Variants in INSIG1 observed in about 807,000 individuals in gnomAD.
The protein encoded by INSIG1 is insulin-induced gene 1 protein.
In INSIG1, 14 loss-of-function variants were observed where a neutral mutation model predicts 26.5. The ratio of observed to expected loss-of-function variants is 0.53; its 90% CI spans 0.35 to 0.83. The LOEUF (loss-of-function observed/expected upper bound fraction) is 0.83, where lower values mean the gene tolerates loss of function less well. Ranked by LOEUF, INSIG1 falls within the 40% of genes least tolerant of loss-of-function variation. The pLI is 0.01. For missense variants in INSIG1, 272 were observed against 368.9 expected (o/e 0.74, Z 2.15); for synonymous variants, 147 against 153.3 (o/e 0.96, Z 0.30).
intron 5 of INSIG1, among the ~76,000 whole-genome samples, chr7:155,307,966 A>G (rs1797979737): frequency 6.6e-6 from 1 of 152,196 alleles, no homozygotes; most frequent in Non-Finnish European, 1.5e-5. Flanking sequence ...TAAGGGCCTC[A>G]GCAGCGTAAT....
At chr7:155,304,859 T>C (rs1397587071) in intron 5 of INSIG1, among the ~76,000 whole-genome samples, 1 of 151,752 alleles carries the variant, frequency 6.6e-6, no homozygotes, top group Non-Finnish European at 1.5e-5. Context: ...GGAGAGAGGC[T>C]GGGCGCGGTG....
rs1797819215 is a variant in INSIG1, at chr7:155,302,566, C to T, written c.704+149C>T. ...TGAAATTCTCAAAAATGCTGCTATC[C>T]ATAACTTAATGTAACGCAAAGGAAA... On this transcript the variant is annotated intron_variant, in intron 4 of 5. Transcript: ENST00000340368. The surrounding 1 kb of genome is among the most constrained non-coding windows in gnomAD (Gnocchi z 4.3). 8 of 1,016,524 alleles carry T rather than the reference C, an allele frequency of 7.9e-6. No individual in the cohort carries two copies. The African/African-American group carries it at 1.3e-4, about 17-fold the overall frequency. The allele number at this position is 1,016,524 out of a possible 1,614,324, so 63.0% of individuals were successfully genotyped here.
chr7:155,302,843 T>C lies in INSIG1; in HGVS notation c.801T>C (p.Ala267=), dbSNP rs61740679. 5,160 of 1,584,232 alleles carry C rather than the reference T, an allele frequency of 3.3e-3. 117 individuals are homozygous for C. The African/African-American group carries it at 0.058, about 18-fold the overall frequency. Reference sequence around the variant, plus strand: ...TGGGGAACATAGGACGACAGTTAGCTATGGTAAGTGAAATGATCATATTAT... The same window carrying C: ...TGGGGAACATAGGACGACAGTTAGCCATGGTAAGTGAAATGATCATATTAT... ...VTVGNIGRQL[A]MGVPEKPHSD Residue 267 remains alanine (A), a synonymous_variant, in exon 5 of 6, where the codon GCT becomes GCC. Transcript: ENST00000340368. The surrounding 1 kb of genome is among the most constrained non-coding windows in gnomAD (Gnocchi z 4.3).
Position 155,298,303 on chromosome 7 carries a change from C to T in INSIG1, c.18C>T (p.Asp6=), listed in dbSNP as rs746752379. MPRLH[D]HFWSCSCAHS... Reference sequence around the variant, plus strand: ...TGTGACCGATGCCCAGATTGCACGACCACTTCTGGAGCTGCTCCTGTGCGC... The same window carrying T: ...TGTGACCGATGCCCAGATTGCACGATCACTTCTGGAGCTGCTCCTGTGCGC... Residue 6 remains aspartate, a synonymous_variant, in exon 2 of 6, where the codon GAC becomes GAT. Transcript: ENST00000340368. 1 of 1,489,864 alleles carries T rather than the reference C, an allele frequency of 6.7e-7. No individual in the cohort carries two copies. The highest frequency in any genetic ancestry group is 8.9e-7 in the Non-Finnish European group (1 of 1,126,092). 92.3% of individuals were successfully genotyped at this position (1,489,864 alleles called of 1,614,324 possible). A position where few individuals can be genotyped will look rare whatever the true frequency, so the allele number is the denominator to read the frequency against.
intron 5 of INSIG1, chr7:155,303,869 GT>G: frequency 7.3e-7 from 1 of 1,364,708 alleles, no homozygotes; most frequent in Non-Finnish European, 9.8e-7. Flanking sequence ...CCACTTGGCT[GT>G]TTCACAAAAC....
intron 5 of INSIG1, chr7:155,303,079 C>T (rs1204396952): frequency 5.2e-6 from 2 of 388,262 alleles, no homozygotes; most frequent in South Asian, 3.2e-5. Context: ...CCTCGCACTG[C>T]CCCTTTGAAT....
At position 155,308,907 on chromosome 7, in the gene INSIG1, C is replaced by T. The variant is rs1798013013; in HGVS notation, c.*637C>T. On this transcript the variant is annotated 3_prime_UTR_variant, in exon 6 of 6. Transcript: ENST00000340368. ...AGTGGGTCAACTGCTTGTCATTCCTCCCGTGGCAGTTTGTGTAGACAATCT... is the reference window on the plus strand; with the variant it reads ...AGTGGGTCAACTGCTTGTCATTCCTTCCGTGGCAGTTTGTGTAGACAATCT... 1 of 152,648 alleles carries T rather than the reference C, an allele frequency of 6.6e-6. No homozygotes were observed. Among genetic ancestry groups the T allele is most frequent in the African/African-American group, 2.4e-5 (1 of 41,438 alleles). The allele number at this position is 152,648 out of a possible 1,614,324, so 9.5% of individuals were successfully genotyped here. A position where few individuals can be genotyped will look rare whatever the true frequency, so the allele number is the denominator to read the frequency against.
intron 5 of INSIG1, among the ~76,000 whole-genome samples, chr7:155,303,218 C>A (rs1176526361): frequency 6.6e-6 from 1 of 152,238 alleles, no homozygotes; most frequent in Non-Finnish European, 1.5e-5. Flanking sequence ...TGCAGTGATA[C>A]TTTGCTCCCT....
intron 2 of INSIG1, among the ~76,000 whole-genome samples, chr7:155,299,144 C>T (rs1363362996): frequency 6.6e-6 from 1 of 152,248 alleles, no homozygotes. Flanking sequence ...AAACCCGTCA[C>T]ATGGGTTCAG....
Position 155,302,986 on chromosome 7 carries a change from A to T in INSIG1, c.804+140A>T, listed in dbSNP as rs1797831098. On this transcript the variant is annotated intron_variant, in intron 5 of 5. Coordinates refer to ENST00000340368, the MANE Select transcript of INSIG1 (RefSeq NM_005542.6). This position sits in a 1 kb window ranked among gnomAD's most constrained non-coding sequence, Gnocchi z 4.3. ...CAACTACTGAGAAAAGCTTATATTT[A>T]AAAAAATAGGTAATGATACCCAGGT... The T allele has an allele frequency of 3.7e-6, 2 of 544,778 alleles. No homozygotes were observed. The highest frequency in any genetic ancestry group is 2.7e-5 in the South Asian group (1 of 36,732). 33.7% of individuals were successfully genotyped at this position (544,778 alleles called of 1,614,324 possible). A position where few individuals can be genotyped will look rare whatever the true frequency, so the allele number is the denominator to read the frequency against.
At chr7:155,298,990 T>TC (rs1797712590) in intron 2 of INSIG1, among the ~76,000 whole-genome samples, 1 of 152,082 alleles carries the variant, frequency 6.6e-6, no homozygotes, top group African/African-American at 2.4e-5. Context: ...TGAGGGCCCT[T>TC]CCCTCCTGGC....
chr7:155,298,724 A>C (rs371131835), intron 2 of INSIG1, 27 bp downstream of exon 2: 96 of 1,592,124 alleles, frequency 6.0e-5, no homozygotes, highest in Middle Eastern at 3.3e-4. Context: ...GTTCTTCTGG[A>C]AGTAAAAAGG....
Position 155,302,434 on chromosome 7 carries a change from A to G in INSIG1, c.704+17A>G. On this transcript the variant is annotated intron_variant, in intron 4 of 5. Transcript: ENST00000340368. The surrounding 1 kb of genome is among the most constrained non-coding windows in gnomAD (Gnocchi z 4.3). ...TGTCTATCAGTAAGTGTGTGTTTTCAAATATTGGCTTTGGAAAGCTTACTT... is the reference window on the plus strand; with the variant it reads ...TGTCTATCAGTAAGTGTGTGTTTTCGAATATTGGCTTTGGAAAGCTTACTT... 1 of 1,556,146 alleles carries G rather than the reference A, an allele frequency of 6.4e-7. No homozygotes were observed. The highest frequency in any genetic ancestry group is 8.7e-7 in the Non-Finnish European group (1 of 1,152,610).
chr7:155,298,431 C>T lies in INSIG1; in HGVS notation c.146C>T (p.Ala49Val), dbSNP rs369178429. Residue 49 changes from alanine (A) to valine (V), a missense_variant, in exon 2 of 6, where the codon GCG becomes GTG. Coordinates refer to ENST00000340368, the MANE Select transcript of INSIG1 (RefSeq NM_005542.6). ...NVSVSGPSLL[A>V]AHGAPDADPA... is the part of the protein sequence containing the mutation. ...TCCGTGTCCGGGCCCTCCCTGCTGG[C>T]GGCCCACGGTGCCCCGGACGCTGAC... The T allele has an allele frequency of 1.3e-6, 2 of 1,555,208 alleles. No individual in the cohort carries two copies. Among genetic ancestry groups the T allele is most frequent in the East Asian group, 2.4e-5 (1 of 41,722 alleles).
At position 155,298,658 on chromosome 7, in the gene INSIG1, T is replaced by C. The variant is rs1480444374; in HGVS notation, c.373T>C (p.Ser125Pro). The change falls in exon 2 of 6, where the codon TCC becomes CCC. Residue 125 changes from serine to proline, a missense_variant. Ser to Pro is a moderately conservative substitution (Grantham distance 74). Around this residue, in one of 2 missense-constraint regions of INSIG1, gnomAD observed 161 missense variants for 179.2 expected, o/e 0.90. Transcript: ENST00000340368. The part of the protein sequence containing the change: ...PEEVIATIFS[S>P]AWWVPPCCGT... ...GGAGGTGATCGCCACCATCTTTTCC[T>C]CCGCCTGGTGGGTCCCTCCCTGCTG... 6.2e-7 allele frequency: 1 copy of C among 1,612,814 alleles called. No individual in the cohort carries two copies. Among genetic ancestry groups the C allele is most frequent in the South Asian group, 1.1e-5 (1 of 91,078 alleles).
chr7:155,299,473 C>T (rs1797726401), intron 2 of INSIG1, among the ~76,000 whole-genome samples: 1 of 152,212 alleles, frequency 6.6e-6, no homozygotes, highest in African/African-American at 2.4e-5. Context: ...AGATCACTTA[C>T]TGCTCCTGTA....
At chr7:155,301,302 C>G (rs1302926777) in intron 2 of INSIG1, among the ~76,000 whole-genome samples, 2 of 152,198 alleles carry the variant, frequency 1.3e-5, no homozygotes, top group African/African-American at 4.8e-5. Context: ...TGAATAATCC[C>G]TGCTTGATTC....
At chr7:155,301,443 T>C (rs1285656736) in intron 2 of INSIG1, 123 bp from the exon 3 acceptor site, 1 of 820,846 alleles carries the variant, frequency 1.2e-6, no homozygotes, top group Non-Finnish European at 1.8e-6. Flanking sequence ...TCTGAAGTTA[T>C]AGCTGATAAT....
rs1379733386 is a variant in INSIG1, at chr7:155,309,807, T to C, written c.*1537T>C. 1 of 152,326 alleles carries C rather than the reference T, an allele frequency of 6.6e-6. No homozygotes were observed. The highest frequency in any genetic ancestry group is 1.5e-5 in the Non-Finnish European group (1 of 68,036). 9.4% of individuals were successfully genotyped at this position (152,326 alleles called of 1,614,324 possible). On this transcript the variant is annotated 3_prime_UTR_variant, in exon 6 of 6. Coordinates refer to ENST00000340368, the MANE Select transcript of INSIG1 (RefSeq NM_005542.6). Reference sequence around the variant, plus strand: ...TTGTTTTTTAAAAAAATAGGATCATTCTGAACTTTGGAATGACCCCCTTAT... The same window carrying C: ...TTGTTTTTTAAAAAAATAGGATCATCCTGAACTTTGGAATGACCCCCTTAT...
Sources: gnomAD v4.1 joint callset for allele counts (sites outside exome capture counted in the v4.1 genomes callset) on GRCh38, gnomAD v4.1.1 for gene constraint, gnomAD v4.1.1 regional missense constraint, Gnocchi (gnomAD v3.1) non-coding constraint, MANE v1.5 for transcripts, NCBI Gene and HGNC (gene_info 2026-07-23, HGNC 2026-07-21) for gene names.